NUP153: variants seen among roughly 807,000 people sequenced by gnomAD.
NUP153 encodes the protein nucleoporin 153.
NUP153 carries 27 observed loss-of-function variants against 134.6 expected under a neutral mutation model. The ratio of observed to expected loss-of-function variants is 0.20; its 90% confidence interval spans 0.15 to 0.28. The LOEUF (loss-of-function observed/expected upper bound fraction) is 0.28. Among genes scored for constraint, NUP153 ranks in the 10% least tolerant of loss-of-function variants. NUP153 has a pLI of 1.00. For synonymous variants in NUP153, 640 were observed against 623.5 expected, an observed-to-expected ratio of 1.03 and a Z score of -0.40; for missense variants, 1,821 against 1,731.3, an observed-to-expected ratio of 1.05 and a Z score of -0.92.
intron 1 of NUP153, among the ~76,000 whole-genome samples, chr6:17,695,662 TA>T (rs1388601838): frequency 6.6e-6 from 1 of 152,142 alleles, no homozygotes; most frequent in Non-Finnish European, 1.5e-5. Flanking sequence ...TAGAAATTTT[TA>T]AAAAACTACT....
At chr6:17,687,517 T>C (rs936620406) in intron 2 of NUP153, among the ~76,000 whole-genome samples, 6 of 152,172 alleles carry the variant, frequency 3.9e-5, no homozygotes, top group Non-Finnish European at 5.9e-5. Context: ...TACATCTAGT[T>C]GAACATTACT....
intron 16 of NUP153, among the ~76,000 whole-genome samples, chr6:17,634,748 A>G (rs151333933): frequency 6.6e-6 from 1 of 152,214 alleles, no homozygotes. Context: ...CATTACATAC[A>G]TCTGAATGTT....
At chr6:17,667,972 T>C (rs1229039154) in intron 8 of NUP153, among the ~76,000 whole-genome samples, 1 of 152,046 alleles carries the variant, frequency 6.6e-6, no homozygotes, top group East Asian at 1.9e-4. Context: ...TCTGCCTAAT[T>C]GAAATTCTAC....
chr6:17,622,098 CTTTT>C (rs543427175), intron 20 of NUP153, among the ~76,000 whole-genome samples: 183 of 152,088 alleles, frequency 1.2e-3, no homozygotes, highest in African/African-American at 4.1e-3. Flanking sequence ...CATGGCTTTT[CTTTT>C]GTTTTGTTTT....
At chr6:17,665,444 T>A in intron 8 of NUP153, 59 bp from the exon 9 acceptor site, 2 of 1,417,344 alleles carry the variant, frequency 1.4e-6, no homozygotes, top group Non-Finnish European at 1.9e-6. Flanking sequence ...GATTCATATC[T>A]AAATTTTGAC....
intron 11 of NUP153, among the ~76,000 whole-genome samples, chr6:17,655,882 G>A (rs1234642934): frequency 6.6e-6 from 1 of 152,200 alleles, no homozygotes; most frequent in East Asian, 1.9e-4. Flanking sequence ...ATATAATTGT[G>A]TATCCAAACC....
chr6:17,637,166 C>G lies in NUP153; in HGVS notation c.2451G>C (p.Met817Ile). 1 of 1,604,094 alleles carries G rather than the reference C, an allele frequency of 6.2e-7. No individual in the cohort carries two copies. The highest frequency in any genetic ancestry group is 1.3e-5 in the African/African-American group (1 of 74,836). The change falls in exon 16 of 22, where the codon ATG becomes ATC. Residue 817 changes from methionine to isoleucine, a missense_variant. By Grantham distance (10) the Met-to-Ile change is conservative. Coordinates refer to ENST00000262077, the MANE Select transcript of NUP153 (RefSeq NM_005124.4). ...CCAAAAACATACCTGGTTTCTCAGA[C>G]ATACAGGACACACACTTATTGTCTT... is the stretch of plus-strand genomic sequence containing the variant. ...NAEDNKCVSC[M>I]SEKPGSSVPA...
chr6:17,647,122 C>T (rs989606769), intron 13 of NUP153, among the ~76,000 whole-genome samples: 1 of 151,958 alleles, frequency 6.6e-6, no homozygotes, highest in Admixed American at 6.6e-5. Context: ...CAGCATGTGG[C>T]AAGGAAATTA....
chr6:17,626,206 A>G (rs781481651), intron 18 of NUP153, 42 bp from the exon 19 acceptor site: 2 of 1,491,940 alleles, frequency 1.3e-6, no homozygotes, highest in Non-Finnish European at 1.8e-6. Context: ...ATCCTTAAGA[A>G]TAGTCTCAGA....
At position 17,669,422 on chromosome 6, in the gene NUP153, A is replaced by C; in HGVS notation, c.969+8T>G. 3 of 1,610,660 alleles carry C rather than the reference A, an allele frequency of 1.9e-6. No individual in the cohort carries two copies. The highest frequency in any genetic ancestry group is 1.7e-4 in the Middle Eastern group (1 of 6,058). ...ACTCCTGTATTAATCGTGATTTTAAAAATTTACCGCTAAAGGGCTTGACAT... is the reference window on the plus strand; with the variant it reads ...ACTCCTGTATTAATCGTGATTTTAACAATTTACCGCTAAAGGGCTTGACAT... On this transcript the variant is annotated splice_region_variant and intron_variant, in intron 6 of 21. Coordinates refer to ENST00000262077, the MANE Select transcript of NUP153 (RefSeq NM_005124.4).
chr6:17,683,498 T>C (rs181881985), intron 2 of NUP153, among the ~76,000 whole-genome samples: 2 of 152,284 alleles, frequency 1.3e-5, no homozygotes, highest in East Asian at 3.9e-4. Context: ...ATGAGCAGTG[T>C]TGTTTTGCAA....
chr6:17,635,055 T>C (rs147725766), intron 16 of NUP153, among the ~76,000 whole-genome samples: 107 of 151,122 alleles, frequency 7.1e-4, no homozygotes, highest in African/African-American at 2.4e-3. Flanking sequence ...GCCTCATTCA[T>C]AGCCATCCTA....
At chr6:17,701,617 C>T (rs1378326287) in intron 1 of NUP153, among the ~76,000 whole-genome samples, 3 of 147,150 alleles carry the variant, frequency 2.0e-5, no homozygotes, top group African/African-American at 7.6e-5. Flanking sequence ...GCCGAGGTCG[C>T]ACCATTGCAC....
chr6:17,661,987 A>G (rs780389956), intron 10 of NUP153, 31 bp downstream of exon 10: 13 of 1,482,100 alleles, frequency 8.8e-6, no homozygotes, highest in Non-Finnish European at 8.4e-6. Context: ...TTAAATATAA[A>G]GAAGTATAGC....
chr6:17,631,407 GA>G (rs1446397865), intron 17 of NUP153, among the ~76,000 whole-genome samples: 1 of 152,128 alleles, frequency 6.6e-6, no homozygotes, highest in Non-Finnish European at 1.5e-5. Context: ...TTGTTACATG[GA>G]TATGTTGCCT....
At chr6:17,701,609 C>T (rs1770077551) in intron 1 of NUP153, among the ~76,000 whole-genome samples, 1 of 150,114 alleles carries the variant, frequency 6.7e-6, no homozygotes, top group South Asian at 2.1e-4. Flanking sequence ...TGCAGTGAGC[C>T]GAGGTCGCAC....
rs76597246 is a variant in NUP153, at chr6:17,646,727, T to G, written c.1633-573A>C. Among the ~76,000 whole-genome samples, 697 of 151,896 alleles carry G rather than the reference T, an allele frequency of 4.6e-3. 3 individuals carry two copies. The highest frequency in any genetic ancestry group is 0.016 in the African/African-American group (668 of 41,476). On this transcript the variant is annotated intron_variant, in intron 13 of 21. Transcript: ENST00000262077. ...CTAATGCCCAGTTCCAATTTCTGAATGCCATTTTCTTTCCTTTTTTTTTTG... is the reference window on the plus strand; with the variant it reads ...CTAATGCCCAGTTCCAATTTCTGAAGGCCATTTTCTTTCCTTTTTTTTTTG...
At chr6:17,622,707 G>T (rs1169523210) in intron 20 of NUP153, among the ~76,000 whole-genome samples, 2 of 151,960 alleles carry the variant, frequency 1.3e-5, no homozygotes, top group Non-Finnish European at 2.9e-5. Flanking sequence ...AAAAAATAAA[G>T]AGAGGAAGTC....
rs1770501630 is a variant in NUP153, at chr6:17,706,364, G to T, written c.24C>A (p.Val8=). 6.2e-7 allele frequency: 1 copy of T among 1,612,656 alleles called. No individual in the cohort carries two copies. Among genetic ancestry groups the T allele is most frequent in the Non-Finnish European group, 8.5e-7 (1 of 1,179,568 alleles). MASGAGG[V]GGGGGGKIRT... ...GGATCTTGCCGCCACCGCCCCCTCC[G>T]ACTCCTCCGGCTCCCGAGGCCATGG... The change falls in exon 1 of 22, where the codon GTC becomes GTA. Residue 8 remains valine, a synonymous_variant. Coordinates refer to ENST00000262077, the MANE Select transcript of NUP153 (RefSeq NM_005124.4). The surrounding 1 kb of genome is among the most constrained non-coding windows in gnomAD (Gnocchi z 5.9).
Sources: allele counts gnomAD v4.1 joint callset (sites outside exome capture counted in the v4.1 genomes callset), GRCh38; gene constraint gnomAD v4.1.1; non-coding constraint Gnocchi (gnomAD v3.1); transcripts MANE v1.5; gene names NCBI Gene and HGNC (gene_info 2026-07-23, HGNC 2026-07-21).